Variants in BNC2 observed in about 807,000 individuals in gnomAD.
BNC2 encodes basonuclin zinc finger protein 2.
A neutral mutation model predicts 76.3 loss-of-function variants in BNC2; 20 were observed. The ratio of observed to expected loss-of-function variants is 0.26; its 90% CI spans 0.18 to 0.38. The LOEUF (loss-of-function observed/expected upper bound fraction) is 0.38, where lower values mean the gene tolerates loss of function less well. Ranked by LOEUF, BNC2 falls within the 10% of genes least tolerant of loss-of-function variation. BNC2 has a pLI of 1.00. For missense variants in BNC2, 1,382 were observed against 1,399.8 expected (o/e 0.99, Z 0.20); for synonymous variants, 582 against 514.8 (o/e 1.13, Z -1.77).
At chr9:16,569,923 T>C (rs569446696) in intron 4 of BNC2, among the ~76,000 whole-genome samples, 1 of 152,212 alleles carries the variant, frequency 6.6e-6, no homozygotes, top group African/African-American at 2.4e-5. Flanking sequence ...ATCCAGTTTA[T>C]GTACCAATGG....
intron 1 of BNC2, among the ~76,000 whole-genome samples, chr9:16,749,137 G>A (rs559862916): frequency 4.0e-5 from 6 of 151,892 alleles, no homozygotes; most frequent in Admixed American, 2.6e-4. Context: ...TTTCAACTGT[G>A]CTCATATTAG....
chr9:16,437,344 T>C lies in BNC2; in HGVS notation c.850A>G (p.Thr284Ala). ...PSSKTDSDIR[T>A]FIESNNRTRS... ...GTGCGATTATTGCTCTCAATGAAAG[T>C]CCTTATATCTGAGTCTGTCTTTGAA... Residue 284 changes from threonine (T) to alanine (A), a missense_variant, in exon 6 of 7, where the codon ACT becomes GCT. Around this residue, in one of 3 missense-constraint regions of BNC2, gnomAD observed 557 missense variants for 540.9 expected, o/e 1.03. Coordinates refer to ENST00000380672, the MANE Select transcript of BNC2 (RefSeq NM_017637.6). 2 of 1,614,050 alleles carry C rather than the reference T, an allele frequency of 1.2e-6. No homozygotes were observed. The highest frequency in any genetic ancestry group is 1.7e-6 in the Non-Finnish European group (2 of 1,179,954).
At chr9:16,472,593 T>G (rs933568734) in intron 5 of BNC2, among the ~76,000 whole-genome samples, 1 of 152,202 alleles carries the variant, frequency 6.6e-6, no homozygotes, top group African/African-American at 2.4e-5. Flanking sequence ...ACCAGCCTCT[T>G]AGCCTTCAAA....
chr9:16,445,102 T>C (rs1821204702), intron 5 of BNC2, among the ~76,000 whole-genome samples: 1 of 152,190 alleles, frequency 6.6e-6, no homozygotes, highest in Non-Finnish European at 1.5e-5. Flanking sequence ...AAAATTCTCA[T>C]TGAAAACAAT....
Position 16,469,309 on chromosome 9 carries a change from G to T in BNC2, c.670-31785C>A, listed in dbSNP as rs1448531470. ...CCCACATGTTGTAGGAAGGACCCGGGGGAGGTAACTGAATCATGGGGGCTG... is the reference window on the plus strand; with the variant it reads ...CCCACATGTTGTAGGAAGGACCCGGTGGAGGTAACTGAATCATGGGGGCTG... On this transcript the variant is annotated intron_variant, in intron 5 of 6. Transcript: ENST00000380672. 2.0e-5 allele frequency among the ~76,000 whole-genome samples: 3 copies of T among 152,150 alleles called. No individual in the cohort carries two copies. The East Asian group carries it at 5.8e-4, about 29-fold the overall frequency.
At position 16,582,892 on chromosome 9, in the gene BNC2, G is replaced by GACACACACACACACACACACACACAA. The variant is rs1819664392; in HGVS notation, c.433+90_433+91insTTGTGTGTGTGTGTGTGTGTGTGTGT. On this transcript the variant is annotated intron_variant, in intron 4 of 6. Transcript: ENST00000380672. ...TCCAGGCCAGTGACTCCTCTAAACA[G>GACACACACACACACACACACACACAA]ACACACACACACACACACACACACA... is the stretch of plus-strand genomic sequence containing the variant. 9.6e-6 allele frequency: 6 copies of GACACACACACACACACACACACACAA among 627,062 alleles called. No individual in the cohort carries two copies. In the African/African-American group the frequency reaches 1.0e-4, roughly 11 times the overall value. The allele number at this position is 627,062 out of a possible 1,614,324, so 38.8% of individuals were successfully genotyped here.
chr9:16,784,641 AC>A (rs1270718581), intron 1 of BNC2, among the ~76,000 whole-genome samples: 1 of 152,228 alleles, frequency 6.6e-6, no homozygotes, highest in Non-Finnish European at 1.5e-5. Context: ...GGGGCTGAGC[AC>A]TGGCAAAGTC....
chr9:16,736,214 C>CAA lies in BNC2; in HGVS notation c.129+2144_129+2145dup, dbSNP rs56153442. On this transcript the variant is annotated intron_variant, in intron 2 of 6. Transcript: ENST00000380672. The stretch of plus-strand genomic sequence containing the variant: ...GCGCCACTGCACTCCACTCTGTTTC[C>CAA]AAAAAAAAAAAAAGGAAAGAAAGAA... Among the ~76,000 whole-genome samples the CAA allele has an allele frequency of 3.4e-4, 36 of 106,784 alleles. No individual in the cohort carries two copies. The East Asian group carries it at 8.0e-3, about 24-fold the overall frequency. 70.1% of individuals were successfully genotyped at this position (106,784 alleles called of 152,430 possible). A position where few individuals can be genotyped will look rare whatever the true frequency, so the allele number is the denominator to read the frequency against.
chr9:16,510,642 G>A (rs1587114393), intron 5 of BNC2, among the ~76,000 whole-genome samples: 1 of 152,314 alleles, frequency 6.6e-6, no homozygotes, highest in East Asian at 1.9e-4. Context: ...AGCCTTTACA[G>A]ATTTTTGAAT....
chr9:16,659,556 C>T (rs1055635189), intron 3 of BNC2, among the ~76,000 whole-genome samples: 1 of 147,696 alleles, frequency 6.8e-6, no homozygotes, highest in Non-Finnish European at 1.5e-5. Flanking sequence ...TGAAGTTAGC[C>T]GAGATTGCAC....
chr9:16,639,760 T>A (rs946393627), intron 3 of BNC2, among the ~76,000 whole-genome samples: 40 of 151,972 alleles, frequency 2.6e-4, no homozygotes, highest in African/African-American at 7.0e-4. Context: ...TCTACAAAAA[T>A]TTTTTTTAAT....
chr9:16,852,619 T>C (rs1352895556), intron 1 of BNC2, among the ~76,000 whole-genome samples: 3 of 151,838 alleles, frequency 2.0e-5, no homozygotes, highest in Non-Finnish European at 4.4e-5. Flanking sequence ...TACATGTAAA[T>C]AAAAAAATTA....
intron 5 of BNC2, among the ~76,000 whole-genome samples, chr9:16,461,304 A>T (rs1458281410): frequency 6.6e-6 from 1 of 152,166 alleles, no homozygotes. Flanking sequence ...TGGAGAAACC[A>T]GGCGCTTCCA....
intron 1 of BNC2, among the ~76,000 whole-genome samples, chr9:16,803,445 C>G (rs1817830876): frequency 6.6e-6 from 1 of 152,160 alleles, no homozygotes; most frequent in African/African-American, 2.4e-5. Context: ...ACATAGCAAG[C>G]CTTCAAGGAG....
intron 1 of BNC2, among the ~76,000 whole-genome samples, chr9:16,793,891 A>T: frequency 8.4e-6 from 1 of 118,544 alleles, no homozygotes; most frequent in Non-Finnish European, 1.7e-5. Flanking sequence ...TTTAGTAGAG[A>T]CGGAGTTTCA....
At chr9:16,840,090 G>T (rs1247823228) in intron 1 of BNC2, among the ~76,000 whole-genome samples, 1 of 152,142 alleles carries the variant, frequency 6.6e-6, no homozygotes, top group Non-Finnish European at 1.5e-5. Flanking sequence ...CTTCAGATAA[G>T]GAGGTCTAAA....
rs34855187 is a variant in BNC2, at chr9:16,463,294, C to CTTTTTT, written c.670-25776_670-25771dup. ...ACTGTGAGCATACAAGTATTAAATT[C>CTTTTTT]TTTTTTTTTTTTTTTTTTTTGAGAC... On this transcript the variant is annotated intron_variant, in intron 5 of 6. Coordinates refer to ENST00000380672, the MANE Select transcript of BNC2 (RefSeq NM_017637.6). Among the ~76,000 whole-genome samples, 22 of 105,600 alleles carry CTTTTTT rather than the reference C, an allele frequency of 2.1e-4. 1 individual carries two copies. The highest frequency in any genetic ancestry group is 5.3e-4 in the East Asian group (2 of 3,746). 69.3% of individuals were successfully genotyped at this position (105,600 alleles called of 152,430 possible). A position where few individuals can be genotyped will look rare whatever the true frequency, so the allele number is the denominator to read the frequency against.
chr9:16,682,609 C>T (rs894823831), intron 3 of BNC2, among the ~76,000 whole-genome samples: 3 of 152,038 alleles, frequency 2.0e-5, no homozygotes, highest in African/African-American at 7.2e-5. Flanking sequence ...ACACTTGCAC[C>T]CCAGTATGTC....
chr9:16,713,505 T>C (rs1244438597), intron 3 of BNC2, among the ~76,000 whole-genome samples: 1 of 148,164 alleles, frequency 6.7e-6, no homozygotes, highest in Non-Finnish European at 1.5e-5. Context: ...AGTGACATGC[T>C]TAAACTTGAT....
Sources: allele counts gnomAD v4.1 joint callset (sites outside exome capture counted in the v4.1 genomes callset), GRCh38; gene constraint gnomAD v4.1.1; regional missense constraint gnomAD v4.1.1; transcripts MANE v1.5; gene names NCBI Gene and HGNC (gene_info 2026-07-23, HGNC 2026-07-21).